Variants in PIK3CA observed in about 807,000 individuals in gnomAD.
PIK3CA encodes phosphatidylinositol-4,5-bisphosphate 3-kinase catalytic subunit alpha, also known as phosphatidylinositol 4,5-bisphosphate 3-kinase catalytic subunit alpha isoform.
A neutral mutation model predicts 138.2 loss-of-function variants in PIK3CA; 27 were observed. The ratio of observed to expected loss-of-function variants is 0.20; its 90% CI spans 0.14 to 0.27. PIK3CA has a LOEUF of 0.27. Among genes scored for constraint, PIK3CA ranks in the 10% least tolerant of loss-of-function variants. PIK3CA has a pLI of 1.00. For missense variants in PIK3CA, 544 were observed against 1,277.4 expected (o/e 0.43, Z 8.75); for synonymous variants, 358 against 413.2 (o/e 0.87, Z 1.62).
At chr3:179,202,345 C>G (rs1034434212) in intron 4 of PIK3CA, among the ~76,000 whole-genome samples, 1 of 152,226 alleles carries the variant, frequency 6.6e-6, no homozygotes. Context: ...GCTGGGATTA[C>G]AGGCGTGAGC....
chr3:179,174,937 C>G (rs1393767055), intron 1 of PIK3CA, among the ~76,000 whole-genome samples: 38 of 152,222 alleles, frequency 2.5e-4, no homozygotes, highest in Non-Finnish European at 5.4e-4. Context: ...ATAACTCTCA[C>G]ATGTGATAAT....
chr3:179,194,719 A>C (rs530871188), intron 1 of PIK3CA, among the ~76,000 whole-genome samples: 1 of 151,290 alleles, frequency 6.6e-6, no homozygotes, highest in Non-Finnish European at 1.5e-5. Context: ...CTTTATACAC[A>C]CTCTCTTGTG....
intron 1 of PIK3CA, among the ~76,000 whole-genome samples, chr3:179,175,455 C>T (rs1471106059): frequency 1.3e-5 from 2 of 151,982 alleles, no homozygotes; most frequent in Non-Finnish European, 2.9e-5. Context: ...TGGTGTGCAT[C>T]GTTTATCTGT....
At chr3:179,199,592 T>C in intron 2 of PIK3CA, 98 bp from the exon 3 acceptor site, 1 of 842,770 alleles carries the variant, frequency 1.2e-6, no homozygotes, top group Non-Finnish European at 1.8e-6. Context: ...TACTTTATTG[T>C]GATCTTCCAA....
chr3:179,199,906 A>T lies in PIK3CA; in HGVS notation c.562+7A>T. ...TATAATAAATTAGATAAAGGTAAGA[A>T]AATGACTAATCTACTCTAATCATTA... On this transcript the variant is annotated splice_region_variant and intron_variant, in intron 3 of 20. Coordinates refer to ENST00000263967, the MANE Select transcript of PIK3CA (RefSeq NM_006218.4). 6.7e-7 allele frequency: 1 copy of T among 1,500,572 alleles called. No individual in the cohort carries two copies. The highest frequency in any genetic ancestry group is 2.3e-5 in the East Asian group (1 of 44,278). 93.0% of individuals were successfully genotyped at this position (1,500,572 alleles called of 1,614,324 possible).
At position 179,219,765 on chromosome 3, in the gene PIK3CA, T is replaced by A. The variant is rs767049808; in HGVS notation, c.1911+30T>A. 21 of 1,426,270 alleles carry A rather than the reference T, an allele frequency of 1.5e-5. No individual in the cohort carries two copies. The Admixed American group carries it at 4.1e-4, about 28-fold the overall frequency. 88.4% of individuals were successfully genotyped at this position (1,426,270 alleles called of 1,614,324 possible). On this transcript the variant is annotated intron_variant, in intron 12 of 20. Transcript: ENST00000263967. The surrounding 1 kb of genome is among the most constrained non-coding windows in gnomAD (Gnocchi z 4.2). The stretch of plus-strand genomic sequence containing the variant: ...AATAATGTAAAATAGTAAATAATGT[T>A]TAATTACAATAATAATTTATTCTAG...
At position 179,199,769 on chromosome 3, in the gene PIK3CA, G is replaced by A. The variant is rs1051403; in HGVS notation, c.432G>A (p.Leu144=). 5 of 1,613,154 alleles carry A rather than the reference G, an allele frequency of 3.1e-6. No individual in the cohort carries two copies. Among genetic ancestry groups the A allele is most frequent in the Non-Finnish European group, 4.2e-6 (5 of 1,179,262 alleles). ...TACAGGACTTCCGAAGAAATATTCT[G>A]AACGTTTGTAAAGAAGCTGTGGATC... ...PEVQDFRRNI[L]NVCKEAVDLR... The change falls in exon 3 of 21, where the codon CTG becomes CTA. Residue 144 remains leucine, a synonymous_variant. Transcript: ENST00000263967.
intron 17 of PIK3CA, among the ~76,000 whole-genome samples, chr3:179,227,317 A>G (rs1725106936): frequency 6.6e-6 from 1 of 152,046 alleles, no homozygotes; most frequent in East Asian, 1.9e-4. Flanking sequence ...CTTTTTTTTA[A>G]TAACAAGACT....
intron 9 of PIK3CA, among the ~76,000 whole-genome samples, chr3:179,217,765 C>CA (rs1435343822): frequency 3.3e-5 from 5 of 151,888 alleles, no homozygotes; most frequent in Non-Finnish European, 7.4e-5. Flanking sequence ...GAAAGCTTTG[C>CA]AGGGATCATA....
chr3:179,166,639 T>G (rs1723427898), intron 1 of PIK3CA, among the ~76,000 whole-genome samples: 1 of 152,240 alleles, frequency 6.6e-6, no homozygotes. Flanking sequence ...CAAATATTTG[T>G]TTAATCAAAT....
At chr3:179,167,276 A>G (rs1366336736) in intron 1 of PIK3CA, among the ~76,000 whole-genome samples, 2 of 152,114 alleles carry the variant, frequency 1.3e-5, no homozygotes, top group Admixed American at 1.3e-4. Flanking sequence ...TGAGCATTCT[A>G]ATTCCATTTT....
intron 1 of PIK3CA, among the ~76,000 whole-genome samples, chr3:179,170,624 A>G (rs1394458998): frequency 6.6e-6 from 1 of 152,214 alleles, no homozygotes; most frequent in Non-Finnish European, 1.5e-5. Flanking sequence ...TCTTCAGAAA[A>G]CAGGCATCAA....
At chr3:179,152,410 A>G (rs1723036077) in intron 1 of PIK3CA, among the ~76,000 whole-genome samples, 1 of 152,182 alleles carries the variant, frequency 6.6e-6, no homozygotes, top group Non-Finnish European at 1.5e-5. Context: ...GGTGCTCTAC[A>G]TGGTTCTCAG....
intron 1 of PIK3CA, among the ~76,000 whole-genome samples, chr3:179,196,823 G>A (rs1724276133): frequency 6.6e-6 from 1 of 152,174 alleles, no homozygotes; most frequent in Admixed American, 6.5e-5. Flanking sequence ...AATTCAGGGA[G>A]ACCATTTAGG....
chr3:179,233,185 C>G (rs1479187825), intron 20 of PIK3CA: 1 of 395,612 alleles, frequency 2.5e-6, no homozygotes, highest in Non-Finnish European at 4.5e-6. Context: ...TTGGAGAACT[C>G]TTGGGTTTTC....
chr3:179,221,185 C>T lies in PIK3CA; in HGVS notation c.2187+28C>T, dbSNP rs200748589. 6.4e-6 allele frequency: 10 copies of T among 1,562,442 alleles called. No homozygotes were observed. The African/African-American group carries it at 8.1e-5, about 13-fold the overall frequency. ...GTGTGACTCTAGTTTGTGTTTGAGA[C>T]TCTTTTCACTGCAGTGGGGCAGAGT... On this transcript the variant is annotated intron_variant, in intron 14 of 20. Transcript: ENST00000263967.
rs574908621 is a variant in PIK3CA at position 179,205,020 on chromosome 3, C to CAAAAAAAAAA, written c.1145+459_1145+468dup. On this transcript the variant is annotated intron_variant, in intron 6 of 20. Transcript: ENST00000263967. ...TGGGCAACAGAGCGAGACTCCGTCTCAAAAAAAAAAAAAAAAAAAAAAAAA... is the reference window on the plus strand; with the variant it reads ...TGGGCAACAGAGCGAGACTCCGTCTCAAAAAAAAAAAAAAAAAAAAAAAAAAAAAAAAAAA... Among the ~76,000 whole-genome samples the CAAAAAAAAAA allele has an allele frequency of 8.8e-4, 47 of 53,378 alleles. 4 individuals carry two copies. The highest frequency in any genetic ancestry group is 1.3e-3 in the Non-Finnish European group (38 of 28,836). The allele number at this position is 53,378 out of a possible 152,430, so 35.0% of individuals were successfully genotyped here. A position where few individuals can be genotyped will look rare whatever the true frequency, so the allele number is the denominator to read the frequency against.
intron 1 of PIK3CA, among the ~76,000 whole-genome samples, chr3:179,168,812 C>T (rs1031810955): frequency 2.6e-5 from 4 of 151,996 alleles, no homozygotes; most frequent in Non-Finnish European, 4.4e-5. Context: ...ACTCTTTTTT[C>T]CCAAATGTCT....
intron 9 of PIK3CA, 88 bp from the exon 10 acceptor site, chr3:179,218,122 G>A (rs1724882617): frequency 2.5e-6 from 3 of 1,222,508 alleles, no homozygotes; most frequent in Admixed American, 2.9e-5. Context: ...TATTGAAAAT[G>A]TATTTGCTTT....
Sources: gnomAD v4.1 joint callset for allele counts (sites outside exome capture counted in the v4.1 genomes callset) on GRCh38, gnomAD v4.1.1 for gene constraint, Gnocchi (gnomAD v3.1) non-coding constraint, MANE v1.5 for transcripts, NCBI Gene and HGNC (gene_info 2026-07-23, HGNC 2026-07-21) for gene names.